The following HOXC10 variants were observed in gnomAD, a reference collection of about 807,000 sequenced individuals.
The protein encoded by HOXC10 is homeobox C10, also known as homeobox protein Hox-C10.
In HOXC10, 15 loss-of-function variants were observed where a neutral mutation model predicts 26.0. The observed-to-expected ratio is 0.58, with a 90% CI of 0.39 to 0.89. The LOEUF is 0.89. HOXC10 is among the 40% of genes least tolerant of loss of function. The pLI, the probability that HOXC10 is intolerant of heterozygous loss-of-function variation, is 0.00. For synonymous variants in HOXC10, 196 were observed against 185.5 expected (o/e 1.06, Z -0.46); for missense variants, 446 against 451.9 (o/e 0.99, Z 0.12).
chr12:53,985,812 G>A lies in HOXC10; in HGVS notation c.553G>A (p.Glu185Lys), dbSNP rs34108563. 1.9e-4 allele frequency: 310 copies of A among 1,613,758 alleles called. No homozygotes were observed. The highest frequency in any genetic ancestry group is 3.1e-4 in the African/African-American group (23 of 75,042). Residue 185 changes from glutamate to lysine, a missense_variant, in exon 1 of 2, where the codon GAA (glutamate) becomes AAA (lysine). Coordinates refer to ENST00000303460, the MANE Select transcript of HOXC10 (RefSeq NM_017409.4). ...EQRASLNPRA[E>K]HLESPQLGGK... ...GCGGGCCAGTCTCAACCCGCGCGCC[G>A]AACATCTGGAATCGCCTCAGCTGGG...
rs1939477407 is a variant in HOXC10 at position 53,989,075 on chromosome 12, C to T, written c.752-94C>T. On this transcript the variant is annotated intron_variant, in intron 1 of 1. Coordinates refer to ENST00000303460, the MANE Select transcript of HOXC10 (RefSeq NM_017409.4). ...GGCAAGAGCAGCTCCCCTGTGCTCC[C>T]TCAGCCACCCCACAGCAGGCTGGCA... 3.3e-6 allele frequency: 4 copies of T among 1,212,208 alleles called. No individual in the cohort carries two copies. The South Asian group carries it at 4.7e-5, about 14-fold the overall frequency. The allele number at this position is 1,212,208 out of a possible 1,614,324, so 75.1% of individuals were successfully genotyped here.
At chr12:53,986,069 C>T (rs1437826232) in intron 1 of HOXC10, 59 bp downstream of exon 1, 26 of 1,478,964 alleles carry the variant, frequency 1.8e-5, no homozygotes, top group Non-Finnish European at 2.3e-5. Context: ...TCTTCGCGGC[C>T]GGGGAGGGGG....
Position 53,985,436 on chromosome 12 carries a change from C to G in HOXC10, c.177C>G (p.Gly59=), listed in dbSNP as rs774281479. 3.1e-6 allele frequency: 5 copies of G among 1,612,044 alleles called. No homozygotes were observed. Among genetic ancestry groups the G allele is most frequent in the Non-Finnish European group, 3.4e-6 (4 of 1,179,590 alleles). ...LAPSLSKRDE[G]SSPSLALNTY... ...CCTCGCTCTCCAAGAGGGACGAGGG[C>G]AGCAGCCCCAGCCTCGCCCTCAACA... The change falls in exon 1 of 2, where the codon GGC becomes GGG. Residue 59 remains glycine (G), a synonymous_variant. Coordinates refer to ENST00000303460, the MANE Select transcript of HOXC10 (RefSeq NM_017409.4).
At position 53,989,293 on chromosome 12, in the gene HOXC10, T is replaced by C. The variant is rs755854940; in HGVS notation, c.876T>C (p.Tyr292=). ...ELEKEFLFNM[Y]LTRERRLEIS... is the part of the protein sequence containing the mutation. ...AGAAAGAATTTCTGTTCAATATGTA[T>C]TTGACGCGAGAGCGCCGCCTGGAGA... The change falls in exon 2 of 2, where the codon TAT becomes TAC. Residue 292 remains tyrosine (Y), a synonymous_variant. Transcript: ENST00000303460. 1.8e-5 allele frequency: 29 copies of C among 1,614,214 alleles called. No individual in the cohort carries two copies. Among genetic ancestry groups the C allele is most frequent in the Non-Finnish European group, 8.5e-7 (1 of 1,180,036 alleles).
At position 53,985,749 on chromosome 12, in the gene HOXC10, T is replaced by C; in HGVS notation, c.490T>C (p.Cys164Arg). The change falls in exon 1 of 2, where the codon TGT becomes CGT. Residue 164 changes from cysteine to arginine, a missense_variant. Cys to Arg is a radical substitution (Grantham distance 180, BLOSUM62 -3). Coordinates refer to ENST00000303460, the MANE Select transcript of HOXC10 (RefSeq NM_017409.4). ...SYSALDKTPHCSGANDFEAPF... is the reference protein window; with the variant it reads ...SYSALDKTPHRSGANDFEAPF... Reference sequence around the variant, plus strand: ...CTCCGCGCTGGACAAGACGCCCCACTGTTCTGGGGCCAACGACTTCGAAGC... The same window carrying C: ...CTCCGCGCTGGACAAGACGCCCCACCGTTCTGGGGCCAACGACTTCGAAGC... The C allele has an allele frequency of 6.2e-7, 1 of 1,613,176 alleles. No individual in the cohort carries two copies. Among genetic ancestry groups the C allele is most frequent in the East Asian group, 2.2e-5 (1 of 44,854 alleles).
rs1939420639 is a variant in HOXC10 at position 53,985,660 on chromosome 12, C to T, written c.401C>T (p.Pro134Leu). 1.2e-6 allele frequency: 2 copies of T among 1,613,276 alleles called. No individual in the cohort carries two copies. Among genetic ancestry groups the T allele is most frequent in the South Asian group, 1.1e-5 (1 of 91,080 alleles). ...PEAALYSHPLPESCLGEHEVP... is the reference protein window; with the variant it reads ...PEAALYSHPLLESCLGEHEVP... ...GCAGCTCTCTACTCCCACCCCTTGC[C>T]GGAGTCCTGCCTTGGGGAGCACGAG... The change falls in exon 1 of 2, where the codon CCG (proline) becomes CTG (leucine). Residue 134 changes from proline (P) to leucine (L), a missense_variant. By Grantham distance (98) the Pro-to-Leu change is moderately conservative. Transcript: ENST00000303460.
At position 53,985,426 on chromosome 12, in the gene HOXC10, G is replaced by T. The variant is rs149610444; in HGVS notation, c.167G>T (p.Arg56Met). 28 of 1,612,678 alleles carry T rather than the reference G, an allele frequency of 1.7e-5. No homozygotes were observed. In the African/African-American group the frequency reaches 3.7e-4, roughly 22 times the overall value. The change falls in exon 1 of 2, where the codon AGG (arginine) becomes ATG (methionine). Residue 56 changes from arginine (R) to methionine (M), a missense_variant. By Grantham distance (91) the Arg-to-Met change is moderately conservative. Coordinates refer to ENST00000303460, the MANE Select transcript of HOXC10 (RefSeq NM_017409.4). Reference sequence around the variant, plus strand: ...GGGCTCGCGCCCTCGCTCTCCAAGAGGGACGAGGGCAGCAGCCCCAGCCTC... The same window carrying T: ...GGGCTCGCGCCCTCGCTCTCCAAGATGGACGAGGGCAGCAGCCCCAGCCTC... ...GCGLAPSLSK[R>M]DEGSSPSLAL...
Position 53,985,685 on chromosome 12 carries a change from G to C in HOXC10, c.426G>C (p.Glu142Asp). The C allele has an allele frequency of 6.2e-7, 1 of 1,611,150 alleles. No individual in the cohort carries two copies. The highest frequency in any genetic ancestry group is 1.7e-5 in the Admixed American group (1 of 59,992). ...PLPESCLGEHEVPVPSYYRAS... is the reference protein window; with the variant it reads ...PLPESCLGEHDVPVPSYYRAS... ...CGGAGTCCTGCCTTGGGGAGCACGA[G>C]GTACCCGTGCCCAGCTACTACCGCG... Residue 142 changes from glutamate (E) to aspartate (D), a missense_variant, in exon 1 of 2, where the codon GAG (glutamate) becomes GAC (aspartate). By Grantham distance (45) the Glu-to-Asp change is conservative. Coordinates refer to ENST00000303460, the MANE Select transcript of HOXC10 (RefSeq NM_017409.4).
At chr12:53,987,329 A>G (rs561698420) in intron 1 of HOXC10, among the ~76,000 whole-genome samples, 8 of 152,336 alleles carry the variant, frequency 5.3e-5, no homozygotes, top group African/African-American at 1.7e-4. Context: ...GGGCAAGGGC[A>G]GAGCCTCATC....
chr12:53,987,772 C>T (rs1380418538), intron 1 of HOXC10, among the ~76,000 whole-genome samples: 1 of 152,136 alleles, frequency 6.6e-6, no homozygotes, highest in Non-Finnish European at 1.5e-5. Context: ...GGCAAGAGAG[C>T]TTTTGATTAA....
intron 1 of HOXC10, among the ~76,000 whole-genome samples, chr12:53,986,874 G>C (rs1021171291): frequency 6.6e-6 from 1 of 152,240 alleles, no homozygotes; most frequent in African/African-American, 2.4e-5. Flanking sequence ...TTGGTTGAGA[G>C]AAAGCCCAGC....
chr12:53,986,069 C>CG, intron 1 of HOXC10, 59 bp downstream of exon 1: 2 of 1,479,082 alleles, frequency 1.4e-6, no homozygotes, highest in Non-Finnish European at 1.8e-6. Context: ...TCTTCGCGGC[C>CG]GGGGAGGGGG....
In HOXC10 at chr12:53,985,859, G is replaced by A. The variant is rs1939425436; in HGVS notation, c.600G>A (p.Glu200=). The change falls in exon 1 of 2, where the codon GAG becomes GAA. Residue 200 remains glutamate (E), a synonymous_variant. Coordinates refer to ENST00000303460, the MANE Select transcript of HOXC10 (RefSeq NM_017409.4). ...TGGGGGGCAAAGTGAGTTTCCCTGAGACCCCCAAGTCCGACAGCCAGACCC... is the reference window on the plus strand; with the variant it reads ...TGGGGGGCAAAGTGAGTTTCCCTGAAACCCCCAAGTCCGACAGCCAGACCC... ...PQLGGKVSFP[E]TPKSDSQTPS... 3 of 1,613,774 alleles carry A rather than the reference G, an allele frequency of 1.9e-6. No individual in the cohort carries two copies. Among genetic ancestry groups the A allele is most frequent in the Non-Finnish European group, 2.5e-6 (3 of 1,180,030 alleles).
chr12:53,987,513 A>G (rs990115512), intron 1 of HOXC10, among the ~76,000 whole-genome samples: 2 of 152,092 alleles, frequency 1.3e-5, no homozygotes, highest in African/African-American at 4.8e-5. Context: ...CTCTCTACAG[A>G]CCCTGAGCTT....
rs1223412893 is a variant in HOXC10 at position 53,985,272 on chromosome 12, C to G, written c.13C>G (p.Arg5Gly). Residue 5 changes from arginine to glycine, a missense_variant, in exon 1 of 2, where the codon CGC (arginine) becomes GGC (glycine). Coordinates refer to ENST00000303460, the MANE Select transcript of HOXC10 (RefSeq NM_017409.4). MTCP[R>G]NVTPNSYAEP... ...CCTCTCTCTGAAAATGACATGCCCT[C>G]GCAATGTAACTCCGAACTCGTACGC... 3 of 1,553,128 alleles carry G rather than the reference C, an allele frequency of 1.9e-6. No homozygotes were observed. Among genetic ancestry groups the G allele is most frequent in the East Asian group, 4.5e-5 (2 of 44,048 alleles).
chr12:53,988,529 T>G (rs1391510109), intron 1 of HOXC10, among the ~76,000 whole-genome samples: 1 of 152,076 alleles, frequency 6.6e-6, no homozygotes, highest in Non-Finnish European at 1.5e-5. Context: ...TCTTACAAGC[T>G]CCCCTCAGCT....
chr12:53,987,020 C>T (rs989529839), intron 1 of HOXC10, among the ~76,000 whole-genome samples: 3 of 152,116 alleles, frequency 2.0e-5, no homozygotes, highest in African/African-American at 7.2e-5. Flanking sequence ...AACGACTTTT[C>T]CTGAAAAGTT....
At position 53,989,252 on chromosome 12, in the gene HOXC10, C is replaced by T; in HGVS notation, c.835C>T (p.Gln279Ter). 6.2e-7 allele frequency: 1 copy of T among 1,614,124 alleles called. No homozygotes were observed. Among genetic ancestry groups the T allele is most frequent in the Non-Finnish European group, 8.5e-7 (1 of 1,179,964 alleles). The change falls in exon 2 of 2, where the codon CAG (glutamine) becomes TAG (stop). Residue 279 changes from glutamine (Q) to a stop codon, truncating the protein, a stop_gained. Transcript: ENST00000303460. LOFTEE classifies it high-confidence loss of function. ...GAAGAGGTGCCCCTATACTAAACACCAGACGCTGGAATTGGAGAAAGAATT... is the reference window on the plus strand; with the variant it reads ...GAAGAGGTGCCCCTATACTAAACACTAGACGCTGGAATTGGAGAAAGAATT... ...RKKRCPYTKH[Q>*]TLELEKEFLF...
Position 53,985,428 on chromosome 12 carries a change from G to A in HOXC10, c.169G>A (p.Asp57Asn). 6.2e-7 allele frequency: 1 copy of A among 1,612,648 alleles called. No homozygotes were observed. Among genetic ancestry groups the A allele is most frequent in the Non-Finnish European group, 8.5e-7 (1 of 1,179,798 alleles). ...CGLAPSLSKR[D>N]EGSSPSLALN... ...GCTCGCGCCCTCGCTCTCCAAGAGG[G>A]ACGAGGGCAGCAGCCCCAGCCTCGC... is the stretch of plus-strand genomic sequence containing the variant. Residue 57 changes from aspartate to asparagine, a missense_variant, in exon 1 of 2, where the codon GAC (aspartate) becomes AAC (asparagine). Coordinates refer to ENST00000303460, the MANE Select transcript of HOXC10 (RefSeq NM_017409.4).
Sources: allele counts gnomAD v4.1 joint callset (sites outside exome capture counted in the v4.1 genomes callset), GRCh38; gene constraint gnomAD v4.1.1; transcripts MANE v1.5; gene names NCBI Gene and HGNC (gene_info 2026-07-23, HGNC 2026-07-21).